DPP10: variants seen among roughly 807,000 people sequenced by gnomAD.
DPP10 encodes the protein inactive dipeptidyl peptidase 10.
DPP10 carries 33 observed loss-of-function variants against 120.9 expected under a neutral mutation model. The ratio of observed to expected loss-of-function variants is 0.27; its 90% confidence interval spans 0.21 to 0.37. DPP10 has a LOEUF of 0.37. DPP10 is among the 10% of genes least tolerant of loss of function. The probability of loss-of-function intolerance (pLI) is 1.00; values close to 1 mark genes in which losing one functional copy is unlikely to be tolerated. For missense variants in DPP10, 816 were observed against 942.8 expected, an observed-to-expected ratio of 0.87 and a Z score of 1.76; for synonymous variants, 337 against 326.1, an observed-to-expected ratio of 1.03 and a Z score of -0.36.
chr2:114,868,588 G>A (rs541584382), intron 1 of DPP10, among the ~76,000 whole-genome samples: 46 of 152,150 alleles, frequency 3.0e-4, no homozygotes, highest in African/African-American at 9.6e-4. Flanking sequence ...CACTTGGTAC[G>A]GTCAGACAAA....
intron 1 of DPP10, among the ~76,000 whole-genome samples, chr2:114,556,234 C>CATAT (rs56772742): frequency 0.049 from 4,205 of 86,590 alleles, 183 homozygotes; most frequent in South Asian, 0.097. Flanking sequence ...ATAGATGATA[C>CATAT]ATATATATAT....
At chr2:114,969,613 C>A (rs1221520007) in intron 1 of DPP10, among the ~76,000 whole-genome samples, 2 of 152,176 alleles carry the variant, frequency 1.3e-5, no homozygotes, top group African/African-American at 4.8e-5. Context: ...TCTTCCTTGG[C>A]ACATGCTAGA....
intron 1 of DPP10, among the ~76,000 whole-genome samples, chr2:114,576,707 C>A (rs1690077649): frequency 6.6e-6 from 1 of 152,108 alleles, no homozygotes; most frequent in Non-Finnish European, 1.5e-5. Flanking sequence ...ATTAGCACAC[C>A]ACTCCTTCCA....
At chr2:114,775,825 T>C (rs1427147877) in intron 1 of DPP10, among the ~76,000 whole-genome samples, 1 of 152,186 alleles carries the variant, frequency 6.6e-6, no homozygotes, top group Non-Finnish European at 1.5e-5. Flanking sequence ...GTATCTCCAA[T>C]GAATCATGTA....
intron 1 of DPP10, among the ~76,000 whole-genome samples, chr2:114,599,870 A>AT (rs1239488024): frequency 6.6e-6 from 1 of 151,292 alleles, no homozygotes; most frequent in Non-Finnish European, 1.5e-5. Context: ...GTAGTTCATG[A>AT]TTTTTTTCTA....
chr2:114,811,766 T>G (rs1685193097), intron 1 of DPP10, among the ~76,000 whole-genome samples: 3 of 152,226 alleles, frequency 2.0e-5, no homozygotes, highest in Admixed American at 2.0e-4. Context: ...GAGGAGCTTC[T>G]TAACACTGGA....
intron 3 of DPP10, among the ~76,000 whole-genome samples, chr2:115,492,177 A>G (rs1467452287): frequency 6.6e-6 from 1 of 152,200 alleles, no homozygotes; most frequent in Non-Finnish European, 1.5e-5. Flanking sequence ...GCTGTAGTAC[A>G]TACTCTAAAA....
intron 3 of DPP10, among the ~76,000 whole-genome samples, chr2:115,356,225 T>C (rs912559629): frequency 6.6e-6 from 1 of 152,216 alleles, no homozygotes; most frequent in African/African-American, 2.4e-5. Flanking sequence ...TCCTCTCTTA[T>C]TTCCTTGAGC....
chr2:115,083,626 T>C (rs148720885), intron 1 of DPP10, among the ~76,000 whole-genome samples: 1 of 151,470 alleles, frequency 6.6e-6, no homozygotes, highest in Non-Finnish European at 1.5e-5. Context: ...CTGTAGTTTG[T>C]TTCTCTTATA....
At chr2:114,549,772 G>A (rs1281786610) in intron 1 of DPP10, among the ~76,000 whole-genome samples, 3 of 151,680 alleles carry the variant, frequency 2.0e-5, no homozygotes, top group Non-Finnish European at 2.9e-5. Context: ...GGAGACAGCT[G>A]GACTCACACA....
At chr2:115,804,398 A>G (rs1049898579) in intron 19 of DPP10, among the ~76,000 whole-genome samples, 1 of 152,060 alleles carries the variant, frequency 6.6e-6, no homozygotes, top group African/African-American at 2.4e-5. Flanking sequence ...AGCTCGGAGT[A>G]GTTTGATCTT....
chr2:115,547,404 C>T (rs1187052051), intron 5 of DPP10, among the ~76,000 whole-genome samples: 2 of 152,086 alleles, frequency 1.3e-5, no homozygotes, highest in East Asian at 1.9e-4. Context: ...TCTATTAAAA[C>T]GAAAACAAAA....
At chr2:115,671,257 T>C (rs1238664925) in intron 5 of DPP10, among the ~76,000 whole-genome samples, 1 of 151,960 alleles carries the variant, frequency 6.6e-6, no homozygotes, top group Non-Finnish European at 1.5e-5. Context: ...ATATTTGAGT[T>C]CTGGTCTTAA....
At chr2:114,480,281 T>G (rs1680908145) in intron 1 of DPP10, among the ~76,000 whole-genome samples, 1 of 151,862 alleles carries the variant, frequency 6.6e-6, no homozygotes, top group South Asian at 2.1e-4. Context: ...GTTCAACCCT[T>G]GTGGAAGTCA....
intron 5 of DPP10, among the ~76,000 whole-genome samples, chr2:115,587,517 C>T (rs1051267442): frequency 2.0e-5 from 3 of 152,146 alleles, no homozygotes; most frequent in African/African-American, 7.2e-5. Context: ...TAATATCCTC[C>T]AGTTCATCAA....
At chr2:115,756,790 T>C (rs1679458056) in intron 11 of DPP10, among the ~76,000 whole-genome samples, 1 of 152,026 alleles carries the variant, frequency 6.6e-6, no homozygotes, top group African/African-American at 2.4e-5. Context: ...ACTCACAGTT[T>C]TGGAGGCTGG....
At chr2:115,633,402 T>TG (rs1157554554) in intron 5 of DPP10, among the ~76,000 whole-genome samples, 1 of 151,690 alleles carries the variant, frequency 6.6e-6, no homozygotes, top group Non-Finnish European at 1.5e-5. Flanking sequence ...GGACACAGGG[T>TG]GGGGAACATC....
chr2:115,156,345 T>C (rs941815790), intron 1 of DPP10, among the ~76,000 whole-genome samples: 5 of 152,232 alleles, frequency 3.3e-5, no homozygotes, highest in Non-Finnish European at 7.3e-5. Context: ...CCAGGGACTC[T>C]TTAATGTCAG....
chr2:115,468,100 C>T (rs1326479814), intron 3 of DPP10: 1 of 474,266 alleles, frequency 2.1e-6, no homozygotes, highest in Non-Finnish European at 4.2e-6. Flanking sequence ...TAGAGGATGT[C>T]CTCAAGTTTC....
Sources: gnomAD v4.1 joint callset for allele counts (sites outside exome capture counted in the v4.1 genomes callset) on GRCh38, gnomAD v4.1.1 for gene constraint, MANE v1.5 for transcripts, NCBI Gene and HGNC (gene_info 2026-07-23, HGNC 2026-07-21) for gene names.